Variants in KIF1A observed in about 807,000 individuals in gnomAD.
KIF1A encodes the protein kinesin family member 1A, also known as kinesin-like protein KIF1A.
KIF1A carries 46 observed loss-of-function variants against 227.3 expected under a neutral mutation model. The observed-to-expected ratio is 0.20, with a 90% confidence interval of 0.16 to 0.26. KIF1A has a LOEUF of 0.26. Among genes scored for constraint, KIF1A ranks in the 10% least tolerant of loss-of-function variants. The pLI is 1.00. For missense variants in KIF1A, 1,683 were observed against 2,485.9 expected, an observed-to-expected ratio of 0.68 and a Z score of 6.87; for synonymous variants, 1,022 against 1,012.8, an observed-to-expected ratio of 1.01 and a Z score of -0.17.
intron 1 of KIF1A, among the ~76,000 whole-genome samples, chr2:240,813,297 A>C (rs944559703): frequency 1.4e-4 from 21 of 152,240 alleles, no homozygotes; most frequent in Non-Finnish European, 2.5e-4. Flanking sequence ...ATAGGGCCAG[A>C]GCCCACCACA....
chr2:240,767,035 G>T lies in KIF1A; in HGVS notation c.1578-14C>A, dbSNP rs1382333994. The T allele has an allele frequency of 6.4e-7, 1 of 1,573,240 alleles. No individual in the cohort carries two copies. Among genetic ancestry groups the T allele is most frequent in the South Asian group, 1.1e-5 (1 of 87,930 alleles). ...TCCCTGCCCACTCTGCGGGGTGGGG[G>T]CACCATCAGCACGGCAGCTGGGACC... On this transcript the variant is annotated splice_polypyrimidine_tract_variant and intron_variant, in intron 18 of 48. Transcript: ENST00000498729.
chr2:240,800,499 G>A (rs780443571), intron 1 of KIF1A, among the ~76,000 whole-genome samples: 30 of 152,290 alleles, frequency 2.0e-4, no homozygotes, highest in Admixed American at 3.9e-4. Flanking sequence ...CACAGCCTCC[G>A]GGGTGTATTT....
intron 25 of KIF1A, among the ~76,000 whole-genome samples, chr2:240,759,458 G>A (rs1251953661): frequency 6.6e-6 from 1 of 152,162 alleles, no homozygotes; most frequent in African/African-American, 2.4e-5. Flanking sequence ...ACTAGGGACA[G>A]CCCTATGCCC....
At chr2:240,781,999 C>G in intron 10 of KIF1A, 1 of 985,448 alleles carries the variant, frequency 1.0e-6, no homozygotes, top group Non-Finnish European at 1.2e-6. Context: ...CTCGCGGATC[C>G]CCGTGGTGGC....
intron 1 of KIF1A, among the ~76,000 whole-genome samples, chr2:240,800,736 C>T (rs952016939): frequency 3.9e-5 from 6 of 152,190 alleles, no homozygotes; most frequent in African/African-American, 1.4e-4. Flanking sequence ...AAAACCCAAG[C>T]TGAAAACCAA....
At chr2:240,811,260 G>A (rs1457928229) in intron 1 of KIF1A, among the ~76,000 whole-genome samples, 3 of 152,148 alleles carry the variant, frequency 2.0e-5, no homozygotes, top group Non-Finnish European at 4.4e-5. Context: ...AGCTACTTGG[G>A]AGGCTGAGGT....
At chr2:240,742,672 C>T (rs1471287600) in intron 34 of KIF1A, among the ~76,000 whole-genome samples, 2 of 152,184 alleles carry the variant, frequency 1.3e-5, no homozygotes, top group African/African-American at 4.8e-5. Flanking sequence ...CCCTCAAAGC[C>T]CCCGACCCTC....
intron 10 of KIF1A, among the ~76,000 whole-genome samples, chr2:240,780,244 G>A (rs539254375): frequency 2.0e-5 from 3 of 152,020 alleles, no homozygotes; most frequent in Admixed American, 1.3e-4. Context: ...TCCCCGAGCA[G>A]CTGCATGGCT....
chr2:240,760,586 T>C (rs1457574235), intron 25 of KIF1A, 79 bp downstream of exon 25: 1 of 1,171,700 alleles, frequency 8.5e-7, no homozygotes, highest in Non-Finnish European at 1.1e-6. Flanking sequence ...GTGAAGCCTG[T>C]GCCTACCACC....
In KIF1A at chr2:240,733,392, G is replaced by A. The variant is rs569327196; in HGVS notation, c.4007+3671C>T. Among the ~76,000 whole-genome samples, 18 of 152,228 alleles carry A rather than the reference G, an allele frequency of 1.2e-4. No individual in the cohort carries two copies. In the South Asian group the frequency reaches 2.1e-3, roughly 18 times the overall value. ...TCACTGCAGGGAGAGGGAGGCCCCTGCTCAGGCCCTGCAGGGCCGTGCTCC... is the reference window on the plus strand; with the variant it reads ...TCACTGCAGGGAGAGGGAGGCCCCTACTCAGGCCCTGCAGGGCCGTGCTCC... On this transcript the variant is annotated intron_variant, in intron 38 of 48. Transcript: ENST00000498729.
intron 10 of KIF1A, among the ~76,000 whole-genome samples, chr2:240,780,800 A>ACACACACACACACACACACAGCTC (rs2053602179): frequency 3.8e-5 from 1 of 26,130 alleles, no homozygotes; most frequent in African/African-American, 2.7e-4. Flanking sequence ...ACACAGCTCC[A>ACACACACACACACACACACAGCTC]CACACACACA....
chr2:240,784,413 C>T (rs1311170056), intron 7 of KIF1A, among the ~76,000 whole-genome samples: 3 of 152,212 alleles, frequency 2.0e-5, no homozygotes, highest in South Asian at 2.1e-4. Context: ...GGCAGGCAGC[C>T]GCGCCGACCT....
intron 6 of KIF1A, 120 bp from the exon 7 acceptor site, chr2:240,785,220 G>A: frequency 1.2e-6 from 1 of 801,536 alleles, no homozygotes; most frequent in Non-Finnish European, 2.0e-6. Flanking sequence ...GACCCCAGGG[G>A]CCGCCCTGCT....
rs376127523 is a variant in KIF1A at position 240,740,603 on chromosome 2, C to T, written c.3750-239G>A. Reference sequence around the variant, plus strand: ...TGGCAGGGTGTCCAACAAGGAGACACGGTATGGCACAGCCTGGCCCCTCTG... The same window carrying T: ...TGGCAGGGTGTCCAACAAGGAGACATGGTATGGCACAGCCTGGCCCCTCTG... On this transcript the variant is annotated intron_variant, in intron 35 of 48. Coordinates refer to ENST00000498729, the MANE Select transcript of KIF1A (RefSeq NM_001244008.2). The surrounding 1 kb of genome is among the most constrained non-coding windows in gnomAD (Gnocchi z 6.1). Among the ~76,000 whole-genome samples, 1 of 151,996 alleles carries T rather than the reference C, an allele frequency of 6.6e-6. No homozygotes were observed. Among genetic ancestry groups the T allele is most frequent in the Admixed American group, 6.5e-5 (1 of 15,274 alleles).
Position 240,763,067 on chromosome 2 carries a change from G to T in KIF1A, c.1974C>A (p.Tyr658Ter). 1 of 1,568,184 alleles carries T rather than the reference G, an allele frequency of 6.4e-7. No homozygotes were observed. The highest frequency in any genetic ancestry group is 8.6e-7 in the Non-Finnish European group (1 of 1,159,034). ...EQRLQELEDQ[Y>*]RREREEATYL... is the part of the protein sequence containing the mutation. ...AGGTGGCCTCCTCCCGCTCGCGGCG[G>T]TACTGGTCCTCCAGTTCCTGGAGCC... Residue 658 changes from tyrosine (Y) to a stop codon, truncating the protein, a stop_gained, in exon 22 of 49, where the codon TAC (tyrosine) becomes TAA (stop). Transcript: ENST00000498729. LOFTEE classifies it high-confidence loss of function.
intron 7 of KIF1A, 89 bp from the exon 8 acceptor site, chr2:240,783,905 G>T: frequency 9.9e-7 from 1 of 1,011,778 alleles, no homozygotes; most frequent in Non-Finnish European, 1.5e-6. Context: ...CACAGCTGTT[G>T]AAGGAGCCCT....
Position 240,750,522 on chromosome 2 carries a change from G to A in KIF1A, c.2884C>T (p.Leu962=), listed in dbSNP as rs1289543595. The part of the protein sequence containing the change: ...GRAFVYLSNL[L]YPVPLVHRVA... Reference sequence around the variant, plus strand: ...CGGTGTACCAGGGGAACGGGGTACAGCAGGTTGCTCAGGTACACGAAGGCC... The same window carrying A: ...CGGTGTACCAGGGGAACGGGGTACAACAGGTTGCTCAGGTACACGAAGGCC... Residue 962 remains leucine, a synonymous_variant, in exon 28 of 49, where the codon CTG becomes TTG. Coordinates refer to ENST00000498729, the MANE Select transcript of KIF1A (RefSeq NM_001244008.2). The A allele has an allele frequency of 6.2e-7, 1 of 1,613,836 alleles. No homozygotes were observed. The highest frequency in any genetic ancestry group is 8.5e-7 in the Non-Finnish European group (1 of 1,179,768).
rs1311614018 is a variant in KIF1A at position 240,757,083 on chromosome 2, A to G, written c.2858+236T>C. ...ACTACCTCTTCTGTACCTGGAACCC[A>G]GACTCTTCCCTGCCGGCCCAAAGCG... On this transcript the variant is annotated intron_variant, in intron 27 of 48. Coordinates refer to ENST00000498729, the MANE Select transcript of KIF1A (RefSeq NM_001244008.2). This position sits in a 1 kb window ranked among gnomAD's most constrained non-coding sequence, Gnocchi z 6.2. Among the ~76,000 whole-genome samples, 1 of 152,162 alleles carries G rather than the reference A, an allele frequency of 6.6e-6. No homozygotes were observed.
intron 45 of KIF1A, 137 bp from the exon 46 acceptor site, chr2:240,720,063 C>T: frequency 2.6e-6 from 2 of 760,846 alleles, no homozygotes; most frequent in Non-Finnish European, 3.8e-6. Flanking sequence ...GCTGTGCCCA[C>T]AGTGGGAGCT....
Sources: gnomAD v4.1 joint callset for allele counts (sites outside exome capture counted in the v4.1 genomes callset) on GRCh38, gnomAD v4.1.1 for gene constraint, Gnocchi (gnomAD v3.1) non-coding constraint, MANE v1.5 for transcripts, NCBI Gene and HGNC (gene_info 2026-07-23, HGNC 2026-07-21) for gene names.